The following FAT3 variants were observed in gnomAD, a reference collection of about 807,000 sequenced individuals.
FAT3 encodes the protein FAT atypical cadherin 3.
FAT3 carries 95 observed loss-of-function variants against 310.2 expected under a neutral mutation model. That is an observed-to-expected ratio of 0.31 (90% confidence interval 0.26 to 0.36). The LOEUF (loss-of-function observed/expected upper bound fraction) is 0.36. Ranked by LOEUF, FAT3 falls within the 10% of genes least tolerant of loss-of-function variation. The pLI is 1.00. For synonymous variants in FAT3, 2,314 were observed against 2,192.9 expected (o/e 1.06, Z -1.54); for missense variants, 5,408 against 5,715.6 (o/e 0.95, Z 1.74).
chr11:92,450,095 C>T (rs975879919), intron 2 of FAT3, among the ~76,000 whole-genome samples: 1 of 152,220 alleles, frequency 6.6e-6, no homozygotes, highest in African/African-American at 2.4e-5. Flanking sequence ...GCTGCCCCTG[C>T]ACCAATCGGC....
At chr11:92,678,929 A>G (rs1317236521) in intron 3 of FAT3, among the ~76,000 whole-genome samples, 1 of 152,198 alleles carries the variant, frequency 6.6e-6, no homozygotes, top group Admixed American at 6.5e-5. Flanking sequence ...GTATCCATTA[A>G]CTAATTTTTC....
At chr11:92,680,621 G>T (rs548172378) in intron 3 of FAT3, among the ~76,000 whole-genome samples, 267 of 151,852 alleles carry the variant, frequency 1.8e-3, no homozygotes, top group Non-Finnish European at 2.6e-3. Flanking sequence ...GAATTTTACG[G>T]TTTTTTTTCC....
At chr11:92,852,938 G>A (rs534330945) in intron 19 of FAT3, among the ~76,000 whole-genome samples, 57 of 152,348 alleles carry the variant, frequency 3.7e-4, no homozygotes, top group African/African-American at 1.3e-3. Context: ...AAGAAAGTGA[G>A]GAACCCTGTT....
At chr11:92,670,842 CAGGCTAGGGGA>C (rs969887826) in intron 3 of FAT3, among the ~76,000 whole-genome samples, 1 of 152,192 alleles carries the variant, frequency 6.6e-6, no homozygotes, top group African/African-American at 2.4e-5. Context: ...AGCTTATTCA[CAGGCTAGGGGA>C]AGGCTCAGGA....
Position 92,352,993 on chromosome 11 carries a change from C to T in FAT3, c.881C>T (p.Ala294Val), listed in dbSNP as rs1001662868. 6.8e-6 allele frequency: 11 copies of T among 1,613,652 alleles called. No homozygotes were observed. Among genetic ancestry groups the T allele is most frequent in the African/African-American group, 2.7e-5 (2 of 74,898 alleles). ...VVTVDDLDDG[A>V]NGEIESVSIV... ...ACAGTTGATGACTTAGATGATGGAG[C>T]GAATGGAGAGATCGAATCTGTTTCC... Residue 294 changes from alanine (A) to valine (V), a missense_variant, in exon 2 of 28, where the codon GCG (alanine) becomes GTG (valine). Around this residue, in one of 5 missense-constraint regions of FAT3, gnomAD observed 4,588 missense variants for 4,809.8 expected, o/e 0.95. Transcript: ENST00000525166.
At chr11:92,792,687 G>A in intron 8 of FAT3, 80 bp from the exon 9 acceptor site, 1 of 1,401,678 alleles carries the variant, frequency 7.1e-7, no homozygotes, top group Admixed American at 1.8e-5. Flanking sequence ...ATTTCATTTT[G>A]TTTTCACCCC....
chr11:92,464,854 C>G (rs1362495214), intron 2 of FAT3, among the ~76,000 whole-genome samples: 1 of 152,160 alleles, frequency 6.6e-6, no homozygotes, highest in Non-Finnish European at 1.5e-5. Flanking sequence ...TAAAAACGTT[C>G]TGGGACCTGT....
At chr11:92,238,105 G>A (rs557785512) in intron 1 of FAT3, among the ~76,000 whole-genome samples, 2 of 152,206 alleles carry the variant, frequency 1.3e-5, no homozygotes, top group South Asian at 4.1e-4. Context: ...AGCTCTTGTT[G>A]ATAATAACAT....
chr11:92,338,992 C>T (rs946707569), intron 1 of FAT3, among the ~76,000 whole-genome samples: 2 of 152,200 alleles, frequency 1.3e-5, no homozygotes, highest in Admixed American at 6.5e-5. Context: ...ACATGATCCC[C>T]AGAACCTCTC....
chr11:92,456,424 A>G lies in FAT3; in HGVS notation c.3293-68210A>G, dbSNP rs182580448. Among the ~76,000 whole-genome samples the G allele has an allele frequency of 3.4e-3, 522 of 152,332 alleles. 7 individuals carry two copies. The Middle Eastern group carries it at 0.054, about 16-fold the overall frequency. On this transcript the variant is annotated intron_variant, in intron 2 of 27. Coordinates refer to ENST00000525166, the MANE Select transcript of FAT3 (RefSeq NM_001367949.2). ...ACAGTAGTTTTTAACCATTTCACCA[A>G]TAAGAACCTCCTTATCATTCCCTCT... is the stretch of plus-strand genomic sequence containing the variant.
chr11:92,816,975 CA>C (rs971041414), intron 13 of FAT3, among the ~76,000 whole-genome samples: 1 of 150,584 alleles, frequency 6.6e-6, no homozygotes, highest in African/African-American at 2.4e-5. Flanking sequence ...GACTCCATCT[CA>C]AAAAAAATCA....
intron 1 of FAT3, among the ~76,000 whole-genome samples, chr11:92,316,797 G>C (rs1350763243): frequency 1.3e-5 from 2 of 152,096 alleles, no homozygotes; most frequent in East Asian, 1.9e-4. Context: ...TTAGCTGCTG[G>C]GTATTGAGCT....
chr11:92,891,132 T>A lies in FAT3; in HGVS notation c.*19T>A, dbSNP rs1239405049. 1 of 1,607,188 alleles carries A rather than the reference T, an allele frequency of 6.2e-7. No homozygotes were observed. The highest frequency in any genetic ancestry group is 8.5e-7 in the Non-Finnish European group (1 of 1,176,040). ...AGTGTAGACATCACATCTTGGGTAC[T>A]TCACCCTGTTTGTTACAGAAAAGTG... On this transcript the variant is annotated 3_prime_UTR_variant, in exon 28 of 28. Coordinates refer to ENST00000525166, the MANE Select transcript of FAT3 (RefSeq NM_001367949.2).
chr11:92,798,311 C>T lies in FAT3; in HGVS notation c.5298C>T (p.Ala1766=). 1.2e-6 allele frequency: 2 copies of T among 1,613,696 alleles called. No individual in the cohort carries two copies. Among genetic ancestry groups the T allele is most frequent in the Non-Finnish European group, 1.7e-6 (2 of 1,179,818 alleles). Reference sequence around the variant, plus strand: ...AGATTGTTGATGAAAATGATAATGCCCCAGTTTTTCTCTTTTCTCAATACT... The same window carrying T: ...AGATTGTTGATGAAAATGATAATGCTCCAGTTTTTCTCTTTTCTCAATACT... ...NIQIVDENDN[A]PVFLFSQYSG... is the part of the protein sequence containing the mutation. Residue 1766 remains alanine (A), a synonymous_variant, in exon 10 of 28, where the codon GCC becomes GCT. Coordinates refer to ENST00000525166, the MANE Select transcript of FAT3 (RefSeq NM_001367949.2).
intron 2 of FAT3, among the ~76,000 whole-genome samples, chr11:92,386,501 C>T (rs968767479): frequency 4.6e-5 from 7 of 152,184 alleles, no homozygotes; most frequent in Admixed American, 2.6e-4. Context: ...TTGCCTACTG[C>T]AATCATAAAA....
intron 1 of FAT3, among the ~76,000 whole-genome samples, chr11:92,231,977 C>T (rs1864201978): frequency 2.6e-5 from 4 of 151,986 alleles, no homozygotes; most frequent in Admixed American, 2.6e-4. Context: ...ATATTTTGGA[C>T]CTCTGAAATC....
chr11:92,498,352 CT>C, intron 2 of FAT3: 3 of 236,450 alleles, frequency 1.3e-5, no homozygotes, highest in Non-Finnish European at 1.7e-5. Context: ...TTTTCTTTGT[CT>C]TTTCCGATGC....
At chr11:92,594,894 GA>G (rs1434063364) in intron 3 of FAT3, among the ~76,000 whole-genome samples, 2 of 151,794 alleles carry the variant, frequency 1.3e-5, no homozygotes, top group African/African-American at 4.8e-5. Context: ...GCTTACGGGA[GA>G]AAAAAATGTA....
intron 2 of FAT3, among the ~76,000 whole-genome samples, chr11:92,447,413 A>G (rs1951247502): frequency 6.6e-6 from 1 of 151,698 alleles, no homozygotes; most frequent in African/African-American, 2.4e-5. Flanking sequence ...GCCTACTTGG[A>G]GGTGGAGATT....
Sources: gnomAD v4.1 joint callset for allele counts (sites outside exome capture counted in the v4.1 genomes callset) on GRCh38, gnomAD v4.1.1 for gene constraint, gnomAD v4.1.1 regional missense constraint, MANE v1.5 for transcripts, NCBI Gene and HGNC (gene_info 2026-07-23, HGNC 2026-07-21) for gene names.